The following FBRSL1 variants were observed in gnomAD, a reference collection of about 807,000 sequenced individuals.
FBRSL1 encodes fibrosin-1-like protein.
FBRSL1 carries 51 observed loss-of-function variants against 89.6 expected under a neutral mutation model. The observed-to-expected ratio is 0.57, with a 90% CI of 0.45 to 0.72. FBRSL1 has a LOEUF of 0.72. Ranked by LOEUF, FBRSL1 falls within the 30% of genes least tolerant of loss-of-function variation. FBRSL1 has a pLI of 0.00. For synonymous variants in FBRSL1, 779 were observed against 681.1 expected, an observed-to-expected ratio of 1.14 and a Z score of -2.24; for missense variants, 1,618 against 1,451.8, an observed-to-expected ratio of 1.11 and a Z score of -1.86.
Position 132,569,798 on chromosome 12 carries a change from C to T in FBRSL1, c.692-128C>T, listed in dbSNP as rs979148907. 6 of 666,848 alleles carry T rather than the reference C, an allele frequency of 9.0e-6. No individual in the cohort carries two copies. In the East Asian group the frequency reaches 2.1e-4, roughly 23 times the overall value. 41.3% of individuals were successfully genotyped at this position (666,848 alleles called of 1,614,324 possible). On this transcript the variant is annotated intron_variant, in intron 6 of 18. Transcript: ENST00000680143. ...GTGGCCTCCGTGCCTGCCTCCTCAT[C>T]TGAAATGGGGGCATAGCCGGAGCCC... is the stretch of plus-strand genomic sequence containing the variant.
At chr12:132,491,745 A>G (rs898350385) in intron 1 of FBRSL1, among the ~76,000 whole-genome samples, 3 of 152,266 alleles carry the variant, frequency 2.0e-5, no homozygotes, top group Admixed American at 2.0e-4. Flanking sequence ...AGGCCCCTGA[A>G]GCAGCAAGTC....
chr12:132,535,390 G>T (rs535748695), intron 4 of FBRSL1, among the ~76,000 whole-genome samples: 2 of 152,340 alleles, frequency 1.3e-5, no homozygotes, highest in Admixed American at 1.3e-4. Context: ...AGATCCACAC[G>T]CCATCCGCTG....
At chr12:132,532,393 G>A (rs1329480995) in intron 4 of FBRSL1, among the ~76,000 whole-genome samples, 2 of 152,014 alleles carry the variant, frequency 1.3e-5, no homozygotes, top group African/African-American at 2.4e-5. Flanking sequence ...TCTCCTCCAT[G>A]CGGCTGCCCA....
rs11146921 is a variant in FBRSL1, at chr12:132,541,849, G to A, written c.616-6154G>A. Among the ~76,000 whole-genome samples the A allele has an allele frequency of 1.1e-4, 17 of 152,334 alleles. No individual in the cohort carries two copies. In the East Asian group the frequency reaches 2.1e-3, roughly 19 times the overall value. On this transcript the variant is annotated intron_variant, in intron 4 of 18. Transcript: ENST00000680143. ...GATGGGGTCCCACAGGGCAGGGCAC[G>A]GGGCCCACAGCCACTCATGCTTCTG...
At chr12:132,521,862 C>T (rs1047109779) in intron 2 of FBRSL1, among the ~76,000 whole-genome samples, 2 of 152,196 alleles carry the variant, frequency 1.3e-5, no homozygotes, top group Non-Finnish European at 2.9e-5. Flanking sequence ...TGTGGGGCCT[C>T]TTGGGTGCTC....
chr12:132,497,038 G>A (rs866283281), intron 1 of FBRSL1, among the ~76,000 whole-genome samples: 3 of 152,258 alleles, frequency 2.0e-5, no homozygotes, highest in Non-Finnish European at 2.9e-5. Context: ...GTTGTTTGCC[G>A]ACGGTTCGGA....
intron 4 of FBRSL1, among the ~76,000 whole-genome samples, chr12:132,534,564 C>T (rs1298920611): frequency 6.6e-6 from 1 of 152,264 alleles, no homozygotes; most frequent in Non-Finnish European, 1.5e-5. Flanking sequence ...ACAGGGCTCA[C>T]TTCCCGCAGC....
In FBRSL1 at chr12:132,571,125, GA is replaced by G; in HGVS notation, c.1273del (p.Ile425PhefsTer2). Reference protein sequence around the residue: ...QPIMYCQPHSGILIGTWSQAP... With the variant: ...QPIMYCQPHSXILIGTWSQAP... ...ATCATGTATTGCCAGCCTCATTCGG[GA>G]ATTCTGATTGGTACTTGGTCACAGG... On this transcript the variant is annotated frameshift_variant, in exon 9 of 19. Coordinates refer to ENST00000680143, the MANE Select transcript of FBRSL1 (RefSeq NM_001367871.1). LOFTEE classifies it high-confidence loss of function. 1 of 1,370,874 alleles carries G rather than the reference GA, an allele frequency of 7.3e-7. No individual in the cohort carries two copies. The highest frequency in any genetic ancestry group is 9.4e-7 in the Non-Finnish European group (1 of 1,063,402). 84.9% of individuals were successfully genotyped at this position (1,370,874 alleles called of 1,614,324 possible). A position where few individuals can be genotyped will look rare whatever the true frequency, so the allele number is the denominator to read the frequency against.
chr12:132,559,360 G>A (rs2038923551), intron 5 of FBRSL1, among the ~76,000 whole-genome samples: 1 of 152,220 alleles, frequency 6.6e-6, no homozygotes, highest in Non-Finnish European at 1.5e-5. Context: ...CCTCCTTTCA[G>A]GTCCCAACTC....
chr12:132,507,154 C>T (rs917347477), intron 1 of FBRSL1: 7 of 979,506 alleles, frequency 7.1e-6, no homozygotes, highest in South Asian at 4.7e-5. Flanking sequence ...TGTGGCCCTC[C>T]GTGGGGGCGG....
intron 11 of FBRSL1, among the ~76,000 whole-genome samples, chr12:132,573,045 G>A (rs2040148104): frequency 6.6e-6 from 1 of 152,210 alleles, no homozygotes; most frequent in African/African-American, 2.4e-5. Flanking sequence ...GGGCCTTACG[G>A]GGCCGTCCAC....
In FBRSL1 at chr12:132,546,603, G is replaced by C. The variant is rs1340152320; in HGVS notation, c.616-1400G>C. ...GGCCACGGCTGAAAGGCCAGACCGG[G>C]GGGGACCCTAGGAGAGGGCTTGGCC... On this transcript the variant is annotated intron_variant, in intron 4 of 18. Transcript: ENST00000680143. This position sits in a 1 kb window ranked among gnomAD's most constrained non-coding sequence, Gnocchi z 4.0. Among the ~76,000 whole-genome samples the C allele has an allele frequency of 1.3e-5, 2 of 152,064 alleles. No homozygotes were observed. The highest frequency in any genetic ancestry group is 2.9e-5 in the Non-Finnish European group (2 of 67,956).
chr12:132,572,570 T>A lies in FBRSL1; in HGVS notation c.1478T>A (p.Leu493Gln). ...FPPAIPGLPTLLPHPGPFGSL... is the reference protein window; with the variant it reads ...FPPAIPGLPTQLPHPGPFGSL... ...CCTGCCATCCCGGGACTGCCCACCC[T>A]GCTCCCACACCCCGGCCCCTTCGGG... Residue 493 changes from leucine (L) to glutamine (Q), a missense_variant, in exon 11 of 19, where the codon CTG becomes CAG. Transcript: ENST00000680143. 1.9e-6 allele frequency: 3 copies of A among 1,551,312 alleles called. No homozygotes were observed. Among genetic ancestry groups the A allele is most frequent in the Non-Finnish European group, 2.6e-6 (3 of 1,146,894 alleles).
rs1329387814 is a variant in FBRSL1 at position 132,582,191 on chromosome 12, C to T, written c.2126C>T (p.Ser709Phe). 1.3e-6 allele frequency: 2 copies of T among 1,550,062 alleles called. No homozygotes were observed. Among genetic ancestry groups the T allele is most frequent in the East Asian group, 2.4e-5 (1 of 40,920 alleles). Reference sequence around the variant, plus strand: ...CCGGCTCCGCCCCCGTGGCCCAAGTCCGTGGACGCGGAGCGGGTGTCAGCC... The same window carrying T: ...CCGGCTCCGCCCCCGTGGCCCAAGTTCGTGGACGCGGAGCGGGTGTCAGCC... ...SFPAPPPWPK[S>F]VDAERVSALT... The change falls in exon 18 of 19, where the codon TCC (serine) becomes TTC (phenylalanine). Residue 709 changes from serine (S) to phenylalanine (F), a missense_variant. Transcript: ENST00000680143.
At chr12:132,572,449 G>A in intron 10 of FBRSL1, 78 bp from the exon 11 acceptor site, 2 of 1,498,014 alleles carry the variant, frequency 1.3e-6, no homozygotes, top group Non-Finnish European at 1.8e-6. Context: ...CTGCTGCATT[G>A]GTGCCACCTT....
intron 2 of FBRSL1, among the ~76,000 whole-genome samples, chr12:132,512,152 C>T (rs771668081): frequency 5.9e-5 from 9 of 152,214 alleles, no homozygotes; most frequent in Non-Finnish European, 1.2e-4. Flanking sequence ...AGCATGGGGG[C>T]ACCGGCCTCC....
rs554470540 is a variant in FBRSL1 at position 132,571,643 on chromosome 12, G to A, written c.1377+412G>A. 255 of 704,652 alleles carry A rather than the reference G, an allele frequency of 3.6e-4. 1 individual carries two copies. In the African/African-American group the frequency reaches 3.9e-3, roughly 11 times the overall value. The allele number at this position is 704,652 out of a possible 1,614,324, so 43.6% of individuals were successfully genotyped here. A position where few individuals can be genotyped will look rare whatever the true frequency, so the allele number is the denominator to read the frequency against. On this transcript the variant is annotated intron_variant, in intron 9 of 18. Coordinates refer to ENST00000680143, the MANE Select transcript of FBRSL1 (RefSeq NM_001367871.1). ...GCCCAGGAGGAGGTGGGGGGCCGGC[G>A]GCACCTCTCTGTCGTCTGTCCGGTC...
chr12:132,534,394 A>C (rs1040014629), intron 4 of FBRSL1, among the ~76,000 whole-genome samples: 4 of 152,248 alleles, frequency 2.6e-5, no homozygotes, highest in Non-Finnish European at 5.9e-5. Context: ...GTCCATGAGG[A>C]GACCTCGCCT....
At position 132,546,062 on chromosome 12, in the gene FBRSL1, C is replaced by A. The variant is rs1279955802; in HGVS notation, c.616-1941C>A. ...GTCTCGGCTCCTGCTTTGCCCTCTT[C>A]CGGTCCCCTCAGCCCTGGCGTGTTC... On this transcript the variant is annotated intron_variant, in intron 4 of 18. Coordinates refer to ENST00000680143, the MANE Select transcript of FBRSL1 (RefSeq NM_001367871.1). The surrounding 1 kb of genome is among the most constrained non-coding windows in gnomAD (Gnocchi z 4.0). Among the ~76,000 whole-genome samples the A allele has an allele frequency of 1.3e-5, 2 of 152,244 alleles. No homozygotes were observed. The highest frequency in any genetic ancestry group is 2.9e-5 in the Non-Finnish European group (2 of 68,044).
Sources: gnomAD v4.1 joint callset for allele counts (sites outside exome capture counted in the v4.1 genomes callset) on GRCh38, gnomAD v4.1.1 for gene constraint, Gnocchi (gnomAD v3.1) non-coding constraint, MANE v1.5 for transcripts, NCBI Gene and HGNC (gene_info 2026-07-23, HGNC 2026-07-21) for gene names.